The following CD300LG variants were observed in gnomAD, a reference collection of about 807,000 sequenced individuals.
The protein encoded by CD300LG is CD300 molecule like family member g, also known as CMRF35-like molecule 9.
Under a neutral mutation model 31.5 loss-of-function variants are expected in CD300LG, and 29 were observed. That is an observed-to-expected ratio of 0.92 (90% confidence interval 0.68 to 1.25). The LOEUF (loss-of-function observed/expected upper bound fraction) is 1.25, where lower values mean the gene tolerates loss of function less well. Ranked by LOEUF, CD300LG falls within the 50% of genes most tolerant of loss-of-function variation. The pLI, the probability that CD300LG is intolerant of heterozygous loss-of-function variation, is 0.00. For missense variants in CD300LG, 396 were observed against 417.6 expected, an observed-to-expected ratio of 0.95 and a Z score of 0.45; for synonymous variants, 175 against 177.2, an observed-to-expected ratio of 0.99 and a Z score of 0.10.
chr17:43,861,827 G>A lies in CD300LG; in HGVS notation c.915G>A (p.Gln305=). ...LTAEEKEAPS[Q]APEGDVISMP... is the part of the protein sequence containing the mutation. Reference sequence around the variant, plus strand: ...CGGAGGAAAAGGAAGCCCCTTCCCAGGCCCCTGAGGGGGACGTGATCTCGA... The same window carrying A: ...CGGAGGAAAAGGAAGCCCCTTCCCAAGCCCCTGAGGGGGACGTGATCTCGA... Residue 305 remains glutamine (Q), a synonymous_variant, in exon 7 of 7, where the codon CAG becomes CAA. Coordinates refer to ENST00000317310, the MANE Select transcript of CD300LG (RefSeq NM_145273.4). 6.2e-7 allele frequency: 1 copy of A among 1,611,250 alleles called. No homozygotes were observed. The highest frequency in any genetic ancestry group is 8.5e-7 in the Non-Finnish European group (1 of 1,178,914).
chr17:43,857,494 G>A (rs2143396509), intron 6 of CD300LG: 1 of 1,527,984 alleles, frequency 6.5e-7, no homozygotes. Flanking sequence ...GGATCCAGAT[G>A]AAGCCTTTGA....
At chr17:43,861,552 C>G (rs150916898) in intron 6 of CD300LG, among the ~76,000 whole-genome samples, 1 of 152,154 alleles carries the variant, frequency 6.6e-6, no homozygotes, top group African/African-American at 2.4e-5. Context: ...GCCACAACTG[C>G]GCCAGAACCC....
At position 43,862,601 on chromosome 17, in the gene CD300LG, A is replaced by C. The variant is rs781749240; in HGVS notation, c.*690A>C. The stretch of plus-strand genomic sequence containing the variant: ...CAGACCCCTCCAGCTTAGAGTCTGC[A>C]TTTGGGCTGTGACGTCTCCCACCTG... On this transcript the variant is annotated 3_prime_UTR_variant, in exon 7 of 7. Coordinates refer to ENST00000317310, the MANE Select transcript of CD300LG (RefSeq NM_145273.4). The C allele has an allele frequency of 6.6e-6, 1 of 152,132 alleles. No homozygotes were observed. The highest frequency in any genetic ancestry group is 2.4e-5 in the African/African-American group (1 of 41,394). The allele number at this position is 152,132 out of a possible 1,614,324, so 9.4% of individuals were successfully genotyped here.
At chr17:43,848,079 A>G (rs923367732) in intron 1 of CD300LG, among the ~76,000 whole-genome samples, 1 of 152,098 alleles carries the variant, frequency 6.6e-6, no homozygotes, top group Non-Finnish European at 1.5e-5. Context: ...CGTCTCTACT[A>G]AAAATACAAA....
At chr17:43,861,718 A>C in intron 6 of CD300LG, 80 bp from the exon 7 acceptor site, 1 of 886,094 alleles carries the variant, frequency 1.1e-6, no homozygotes, top group Non-Finnish European at 1.7e-6. Context: ...TGGACGCAGC[A>C]GCTACCTGGG....
intron 3 of CD300LG, among the ~76,000 whole-genome samples, chr17:43,853,503 T>G (rs996319665): frequency 6.6e-6 from 1 of 151,852 alleles, no homozygotes; most frequent in African/African-American, 2.4e-5. Context: ...CACTGAATGG[T>G]CACTGGAAAG....
In CD300LG at chr17:43,848,906, T is replaced by C; in HGVS notation, c.379+13T>C. On this transcript the variant is annotated intron_variant, in intron 2 of 6. Transcript: ENST00000317310. ...TTCGTCTTTCCAGGTAACAGATATCTCTCCTTCCCCAGGCTGGGGACAGGA... is the reference window on the plus strand; with the variant it reads ...TTCGTCTTTCCAGGTAACAGATATCCCTCCTTCCCCAGGCTGGGGACAGGA... 1.2e-6 allele frequency: 2 copies of C among 1,600,586 alleles called. No homozygotes were observed. Among genetic ancestry groups the C allele is most frequent in the Non-Finnish European group, 1.7e-6 (2 of 1,169,592 alleles).
chr17:43,849,476 G>C lies in CD300LG; in HGVS notation c.379+583G>C, dbSNP rs117955863. 3.9e-3 allele frequency: 603 copies of C among 155,646 alleles called. 8 individuals carry two copies. In the East Asian group the frequency reaches 0.042, roughly 11 times the overall value. The allele number at this position is 155,646 out of a possible 1,614,324, so 9.6% of individuals were successfully genotyped here. On this transcript the variant is annotated intron_variant, in intron 2 of 6. Transcript: ENST00000317310. ...TGAAGGAGGGATCGTTAAATGCAGGGACACTAGGGGGCCGGGGCTGGAGCT... is the reference window on the plus strand; with the variant it reads ...TGAAGGAGGGATCGTTAAATGCAGGCACACTAGGGGGCCGGGGCTGGAGCT...
At chr17:43,847,317 G>A (rs2046210937) in intron 1 of CD300LG, 58 bp downstream of exon 1, 2 of 1,512,526 alleles carry the variant, frequency 1.3e-6, no homozygotes, top group African/African-American at 1.4e-5. Flanking sequence ...GGTCTGCAGG[G>A]AAAGGACCTC....
intron 6 of CD300LG, among the ~76,000 whole-genome samples, chr17:43,858,963 C>T (rs1243095782): frequency 1.3e-5 from 2 of 152,152 alleles, no homozygotes; most frequent in African/African-American, 4.8e-5. Context: ...TATATGCCAA[C>T]GAATCCTCAT....
At chr17:43,854,189 C>G in intron 4 of CD300LG, 145 bp downstream of exon 4, 1 of 662,410 alleles carries the variant, frequency 1.5e-6, no homozygotes, top group Non-Finnish European at 2.6e-6. Context: ...GAGTCCCTCA[C>G]AGGGGCCCTT....
At chr17:43,853,067 C>A in intron 3 of CD300LG, 54 bp downstream of exon 3, 2 of 1,420,626 alleles carry the variant, frequency 1.4e-6, no homozygotes, top group Non-Finnish European at 2.0e-6. Flanking sequence ...ACAGAAGCAG[C>A]CAGTGAGTGC....
chr17:43,851,255 AGT>A (rs1213571076), intron 2 of CD300LG, among the ~76,000 whole-genome samples: 2 of 152,190 alleles, frequency 1.3e-5, no homozygotes, highest in African/African-American at 4.8e-5. Flanking sequence ...AAACTGACCT[AGT>A]GTTACAGATT....
chr17:43,857,300 G>A, intron 6 of CD300LG, 144 bp downstream of exon 6: 6 of 1,439,808 alleles, frequency 4.2e-6, no homozygotes, highest in Non-Finnish European at 5.7e-6. Flanking sequence ...TTGGAGGAAT[G>A]TGTGTGAGCC....
rs560867508 is a variant in CD300LG, at chr17:43,857,353, TG to T, written c.885+202del. ...GGGTGTGAGCCGGACACAGTGCCCA[TG>T]GGGGACTCACAGGTGGGAACCTGAT... On this transcript the variant is annotated intron_variant, in intron 6 of 6. Coordinates refer to ENST00000317310, the MANE Select transcript of CD300LG (RefSeq NM_145273.4). 6.7e-4 allele frequency: 1,018 copies of T among 1,521,030 alleles called. 3 individuals are homozygous for T. In the African/African-American group the frequency reaches 0.012, roughly 19 times the overall value. 94.2% of individuals were successfully genotyped at this position (1,521,030 alleles called of 1,614,324 possible).
In CD300LG at chr17:43,862,808, G is replaced by A. The variant is rs2046675605; in HGVS notation, c.*897G>A. On this transcript the variant is annotated 3_prime_UTR_variant, in exon 7 of 7. Transcript: ENST00000317310. Reference sequence around the variant, plus strand: ...CATGCCTTCTTGCCTTTGGAAAAATGATGAAGAAAACCTTGGCTCCTTCCT... The same window carrying A: ...CATGCCTTCTTGCCTTTGGAAAAATAATGAAGAAAACCTTGGCTCCTTCCT... 6.6e-6 allele frequency: 1 copy of A among 152,326 alleles called. No homozygotes were observed. The highest frequency in any genetic ancestry group is 1.5e-5 in the Non-Finnish European group (1 of 68,122). The allele number at this position is 152,326 out of a possible 1,614,324, so 9.4% of individuals were successfully genotyped here.
Position 43,857,124 on chromosome 17 carries a change from C to T in CD300LG, c.853C>T (p.Gln285Ter), listed in dbSNP as rs773015372. The T allele has an allele frequency of 1.2e-6, 2 of 1,614,184 alleles. No individual in the cohort carries two copies. Among genetic ancestry groups the T allele is most frequent in the Non-Finnish European group, 1.7e-6 (2 of 1,180,026 alleles). ...TTCAGCTCAACAGGCCACGGAGACA[C>T]AGAGGAACGAGAAGTTCTGCCTCTC... ...RKEAQQATET[Q>*]RNEKFCLSRL... The change falls in exon 6 of 7, where the codon CAG becomes TAG. Residue 285 changes from glutamine to a stop codon, truncating the protein, a stop_gained. Coordinates refer to ENST00000317310, the MANE Select transcript of CD300LG (RefSeq NM_145273.4). LOFTEE classifies it low-confidence loss of function (END_TRUNC).
intron 6 of CD300LG, among the ~76,000 whole-genome samples, chr17:43,860,145 C>T (rs547813932): frequency 4.6e-5 from 7 of 152,248 alleles, no homozygotes; most frequent in African/African-American, 1.4e-4. Flanking sequence ...CCATGGACAC[C>T]GAGCCCAAGA....
chr17:43,854,714 A>G (rs2046461822), intron 4 of CD300LG, among the ~76,000 whole-genome samples: 1 of 152,084 alleles, frequency 6.6e-6, no homozygotes, highest in African/African-American at 2.4e-5. Flanking sequence ...ACACCACTGC[A>G]TGACCTAACG....
Sources: gnomAD v4.1 joint callset for allele counts (sites outside exome capture counted in the v4.1 genomes callset) on GRCh38, gnomAD v4.1.1 for gene constraint, MANE v1.5 for transcripts, NCBI Gene and HGNC (gene_info 2026-07-23, HGNC 2026-07-21) for gene names.